Variants in MDGA2 observed in about 807,000 individuals in gnomAD.
The protein encoded by MDGA2 is MAM domain containing glycosylphosphatidylinositol anchor 2.
Under a neutral mutation model 117.8 loss-of-function variants are expected in MDGA2, and 40 were observed. The observed-to-expected ratio is 0.34, with a 90% CI of 0.26 to 0.44. MDGA2 has a LOEUF of 0.44. Ranked by LOEUF, MDGA2 falls within the 20% of genes least tolerant of loss-of-function variation. The probability of loss-of-function intolerance (pLI) is 1.00; values close to 1 mark genes in which losing one functional copy is unlikely to be tolerated. For synonymous variants in MDGA2, 452 were observed against 439.0 expected (o/e 1.03, Z -0.37); for missense variants, 1,123 against 1,250.6 (o/e 0.90, Z 1.54).
chr14:46,972,540 A>G (rs1886309820), intron 8 of MDGA2, among the ~76,000 whole-genome samples: 1 of 152,168 alleles, frequency 6.6e-6, no homozygotes, highest in Admixed American at 6.6e-5. Context: ...AAGTATTATC[A>G]CTATCTCCTT....
chr14:46,989,677 T>C (rs538488593), intron 8 of MDGA2, among the ~76,000 whole-genome samples: 1 of 152,214 alleles, frequency 6.6e-6, no homozygotes, highest in African/African-American at 2.4e-5. Flanking sequence ...GACTTCCATA[T>C]AGATTGTGTT....
intron 1 of MDGA2, among the ~76,000 whole-genome samples, chr14:47,407,110 T>C (rs1892275649): frequency 6.6e-6 from 1 of 152,142 alleles, no homozygotes; most frequent in Admixed American, 6.5e-5. Flanking sequence ...GGTGTGCATA[T>C]TAATTCTGGC....
intron 1 of MDGA2, among the ~76,000 whole-genome samples, chr14:47,590,141 T>C (rs965425385): frequency 1.3e-5 from 2 of 151,838 alleles, no homozygotes; most frequent in Non-Finnish European, 2.9e-5. Context: ...TTTACAGAGA[T>C]AGCTTTACTT....
intron 5 of MDGA2, among the ~76,000 whole-genome samples, chr14:47,102,113 G>A (rs761753683): frequency 1.3e-5 from 2 of 152,106 alleles, no homozygotes; most frequent in Non-Finnish European, 2.9e-5. Context: ...AGGATACAGT[G>A]TTAATCATCT....
intron 9 of MDGA2, among the ~76,000 whole-genome samples, chr14:46,931,172 G>A (rs987459262): frequency 1.1e-4 from 15 of 131,534 alleles, no homozygotes; most frequent in Non-Finnish European, 1.7e-4. Flanking sequence ...CCAAGATCGC[G>A]CCACTACACT....
chr14:47,149,157 G>A (rs1883064865), intron 3 of MDGA2, among the ~76,000 whole-genome samples: 1 of 152,050 alleles, frequency 6.6e-6, no homozygotes, highest in East Asian at 1.9e-4. Context: ...AGGCATGGTG[G>A]CAGGCACCTA....
intron 1 of MDGA2, among the ~76,000 whole-genome samples, chr14:47,456,311 A>C (rs201807707): frequency 1.7e-5 from 1 of 59,456 alleles, no homozygotes; most frequent in East Asian, 1.1e-3. Context: ...TTTTTTTTTG[A>C]GAAGGAGTTT....
intron 1 of MDGA2, among the ~76,000 whole-genome samples, chr14:47,433,829 G>T (rs1892846015): frequency 1.3e-5 from 2 of 152,090 alleles, no homozygotes; most frequent in South Asian, 4.1e-4. Flanking sequence ...ACTAATACAT[G>T]TGCTAATTCA....
chr14:47,185,218 T>C (rs1025306746), intron 3 of MDGA2, among the ~76,000 whole-genome samples: 1 of 151,226 alleles, frequency 6.6e-6, no homozygotes, highest in Non-Finnish European at 1.5e-5. Flanking sequence ...AATAATATTA[T>C]GGAAGCACTA....
At chr14:46,863,074 A>T (rs1881576587) in intron 14 of MDGA2, among the ~76,000 whole-genome samples, 1 of 151,816 alleles carries the variant, frequency 6.6e-6, no homozygotes, top group African/African-American at 2.4e-5. Context: ...CTTTAGTTCT[A>T]TCACTTTCTC....
intron 1 of MDGA2, among the ~76,000 whole-genome samples, chr14:47,591,442 T>C (rs1011194298): frequency 3.9e-5 from 6 of 152,094 alleles, no homozygotes; most frequent in African/African-American, 1.4e-4. Context: ...CCTAACTCAT[T>C]TTATGAAGCC....
chr14:47,129,426 C>CT (rs1304350884), intron 5 of MDGA2, among the ~76,000 whole-genome samples: 2 of 151,852 alleles, frequency 1.3e-5, no homozygotes, highest in East Asian at 1.9e-4. Context: ...TGAACTCATC[C>CT]TTTTTTATGG....
chr14:47,088,679 T>C (rs1280665174), intron 6 of MDGA2, among the ~76,000 whole-genome samples: 1 of 152,184 alleles, frequency 6.6e-6, no homozygotes, highest in Non-Finnish European at 1.5e-5. Flanking sequence ...GCTTAAGATA[T>C]ATACCTTTCA....
chr14:47,466,899 C>T (rs1893615817), intron 1 of MDGA2, among the ~76,000 whole-genome samples: 1 of 151,982 alleles, frequency 6.6e-6, no homozygotes, highest in Non-Finnish European at 1.5e-5. Flanking sequence ...GACCCTTGCA[C>T]TTTACCGGGC....
chr14:47,060,902 G>C (rs1393123088), intron 7 of MDGA2, among the ~76,000 whole-genome samples: 1 of 151,758 alleles, frequency 6.6e-6, no homozygotes, highest in Non-Finnish European at 1.5e-5. Flanking sequence ...TCTGAAAATT[G>C]TCTTAACTCT....
chr14:46,988,734 CTCTT>C (rs1886962259), intron 8 of MDGA2, among the ~76,000 whole-genome samples: 1 of 152,078 alleles, frequency 6.6e-6, no homozygotes, highest in Non-Finnish European at 1.5e-5. Flanking sequence ...ATTTATCTAT[CTCTT>C]CTCAGGTAGA....
chr14:46,982,025 T>A (rs1399610625), intron 8 of MDGA2, among the ~76,000 whole-genome samples: 1 of 152,196 alleles, frequency 6.6e-6, no homozygotes, highest in Non-Finnish European at 1.5e-5. Context: ...ATAATCGGAT[T>A]TATGAGTCCA....
intron 7 of MDGA2, among the ~76,000 whole-genome samples, chr14:47,040,635 A>C (rs892600723): frequency 1.3e-5 from 2 of 152,162 alleles, no homozygotes; most frequent in African/African-American, 2.4e-5. Context: ...TTCCATGGTC[A>C]GAGTGTCTGG....
At position 47,334,549 on chromosome 14, in the gene MDGA2, A is replaced by C. The variant is rs556275113; in HGVS notation, c.281-32999T>G. On this transcript the variant is annotated intron_variant, in intron 1 of 16. Transcript: ENST00000399232. ...TAGTGGGATAATTTCTTTAAACCAC[A>C]TGCAGTGAATAAATAGTGGTTATAT... Among the ~76,000 whole-genome samples the C allele has an allele frequency of 2.6e-5, 4 of 152,108 alleles. No homozygotes were observed. The East Asian group carries it at 7.7e-4, about 29-fold the overall frequency.
Sources: allele counts gnomAD v4.1 joint callset (sites outside exome capture counted in the v4.1 genomes callset), GRCh38; gene constraint gnomAD v4.1.1; transcripts MANE v1.5; gene names NCBI Gene and HGNC (gene_info 2026-07-23, HGNC 2026-07-21).